DDX47: variants seen among roughly 807,000 people sequenced by gnomAD.
The protein encoded by DDX47 is DEAD-box helicase 47, also known as probable ATP-dependent RNA helicase DDX47.
Under a neutral mutation model 58.8 loss-of-function variants are expected in DDX47, and 60 were observed. The ratio of observed to expected loss-of-function variants is 1.02; its 90% confidence interval spans 0.83 to 1.26. The LOEUF is 1.26. DDX47 is among the 50% of genes most tolerant of loss of function. The pLI is 0.00. For synonymous variants in DDX47, 197 were observed against 204.6 expected (o/e 0.96, Z 0.32); for missense variants, 530 against 573.2 (o/e 0.92, Z 0.77).
chr12:12,819,494 T>C (rs1016576257), intron 2 of DDX47, among the ~76,000 whole-genome samples: 1 of 152,158 alleles, frequency 6.6e-6, no homozygotes, highest in Non-Finnish European at 1.5e-5. Flanking sequence ...GTACCAGTGG[T>C]AGGATACTCA....
intron 2 of DDX47, among the ~76,000 whole-genome samples, chr12:12,819,389 C>G (rs1365659574): frequency 1.3e-5 from 2 of 151,064 alleles, no homozygotes; most frequent in Non-Finnish European, 2.9e-5. Context: ...AGGTCCCAGC[C>G]AAGACCTACT....
chr12:12,823,016 T>G (rs1862995121), intron 6 of DDX47, among the ~76,000 whole-genome samples, 187 bp from the exon 7 acceptor site: 2 of 152,146 alleles, frequency 1.3e-5, no homozygotes, highest in East Asian at 3.8e-4. Flanking sequence ...TTGTGAGAAC[T>G]CACTATCATG....
Position 12,821,958 on chromosome 12 carries a change from T to A in DDX47, c.443-7T>A. On this transcript the variant is annotated splice_region_variant and splice_polypyrimidine_tract_variant and intron_variant, in intron 4 of 11. Transcript: ENST00000358007. ...TGTCACTGTTTCTCCTCAACCTTTCTTGGTAGCAACTCCTGGTCGACTGAT... is the reference window on the plus strand; with the variant it reads ...TGTCACTGTTTCTCCTCAACCTTTCATGGTAGCAACTCCTGGTCGACTGAT... 6.3e-7 allele frequency: 1 copy of A among 1,590,872 alleles called. No individual in the cohort carries two copies. The highest frequency in any genetic ancestry group is 8.6e-7 in the Non-Finnish European group (1 of 1,159,398).
intron 10 of DDX47, 53 bp downstream of exon 10, chr12:12,826,123 C>CA: frequency 1.4e-6 from 2 of 1,474,856 alleles, no homozygotes; most frequent in Non-Finnish European, 1.8e-6. Context: ...GCAGAACTTT[C>CA]AAGCCACTGG....
rs1418860955 is a variant in DDX47 at position 12,824,146 on chromosome 12, C to A, written c.897+130C>A. ...TCCATAATTGTTGTAATTTTATGGG[C>A]TTTGAAGTGTTGCTCTAGATACTTA... On this transcript the variant is annotated intron_variant, in intron 8 of 11. Coordinates refer to ENST00000358007, the MANE Select transcript of DDX47 (RefSeq NM_016355.4). The A allele has an allele frequency of 7.7e-6, 9 of 1,173,928 alleles. No homozygotes were observed. The Admixed American group carries it at 1.0e-4, about 13-fold the overall frequency. 72.7% of individuals were successfully genotyped at this position (1,173,928 alleles called of 1,614,324 possible). A position where few individuals can be genotyped will look rare whatever the true frequency, so the allele number is the denominator to read the frequency against.
chr12:12,829,422 G>A lies in DDX47; in HGVS notation c.1237-1G>A. The A allele has an allele frequency of 1.9e-6, 3 of 1,592,540 alleles. No individual in the cohort carries two copies. The highest frequency in any genetic ancestry group is 2.6e-6 in the Non-Finnish European group (3 of 1,172,928). Reference sequence around the variant, plus strand: ...TCCCATCCTCTCTTTTTTTCTTGCAGGAGTTAAGGGAGCATGGAGAAAAGA... The same window carrying A: ...TCCCATCCTCTCTTTTTTTCTTGCAAGAGTTAAGGGAGCATGGAGAAAAGA... On this transcript the variant is annotated splice_acceptor_variant, in intron 11 of 11. Transcript: ENST00000358007. LOFTEE classifies it high-confidence loss of function.
chr12:12,819,604 G>T (rs1483156615), intron 2 of DDX47, among the ~76,000 whole-genome samples: 1 of 151,862 alleles, frequency 6.6e-6, no homozygotes, highest in Non-Finnish European at 1.5e-5. Context: ...ATGCCCAACT[G>T]GTTTTTAGAC....
intron 2 of DDX47, chr12:12,814,435 A>T: frequency 2.1e-6 from 1 of 485,636 alleles, no homozygotes; most frequent in Non-Finnish European, 3.7e-6. Flanking sequence ...TCTGCCACAG[A>T]TGCTGACTTT....
Position 12,827,272 on chromosome 12 carries a change from T to G in DDX47, c.1133T>G (p.Ile378Arg). 1.9e-6 allele frequency: 3 copies of G among 1,614,190 alleles called. No individual in the cohort carries two copies. Among genetic ancestry groups the G allele is most frequent in the Non-Finnish European group, 2.5e-6 (3 of 1,180,042 alleles). ...TATGATGTGGAACTCTTCCAGCGCA[T>G]AGAACACTTAATTGGGAAGAAACTA... Reference protein sequence around the residue: ...TQYDVELFQRIEHLIGKKLPG... With the variant: ...TQYDVELFQRREHLIGKKLPG... Residue 378 changes from isoleucine to arginine, a missense_variant, in exon 11 of 12, where the codon ATA becomes AGA. Physicochemically the swap from Ile to Arg is moderately conservative, Grantham distance 97. Transcript: ENST00000358007.
Position 12,829,457 on chromosome 12 carries a change from C to A in DDX47, c.1271C>A (p.Ser424Ter). Reference sequence around the variant, plus strand: ...GAGCATGGAGAAAAGAAGAAACGCTCGCGAGAGGATGCTGGAGATAATGAT... The same window carrying A: ...GAGCATGGAGAAAAGAAGAAACGCTAGCGAGAGGATGCTGGAGATAATGAT... ...LREHGEKKKRSREDAGDNDDT... is the reference protein window; with the variant it reads ...LREHGEKKKR The change falls in exon 12 of 12, where the codon TCG becomes TAG. Residue 424 changes from serine (S) to a stop codon, truncating the protein, a stop_gained. Coordinates refer to ENST00000358007, the MANE Select transcript of DDX47 (RefSeq NM_016355.4). LOFTEE classifies it high-confidence loss of function. The A allele has an allele frequency of 6.2e-7, 1 of 1,613,004 alleles. No homozygotes were observed. The highest frequency in any genetic ancestry group is 8.5e-7 in the Non-Finnish European group (1 of 1,179,526).
In DDX47 at chr12:12,821,344, T is replaced by C; in HGVS notation, c.318T>C (p.Phe106=). ...LVLTPTRELA[F]QISEQFEALG... is the part of the protein sequence containing the mutation. ...TTACCCCGACTCGGGAGCTGGCCTT[T>C]CAGATCTCAGAGCAGTTTGAAGCCC... is the stretch of plus-strand genomic sequence containing the variant. The change falls in exon 3 of 12, where the codon TTT becomes TTC. Residue 106 remains phenylalanine (F), a synonymous_variant. Coordinates refer to ENST00000358007, the MANE Select transcript of DDX47 (RefSeq NM_016355.4). 3 of 1,614,200 alleles carry C rather than the reference T, an allele frequency of 1.9e-6. No homozygotes were observed. The highest frequency in any genetic ancestry group is 2.5e-6 in the Non-Finnish European group (3 of 1,180,032).
chr12:12,814,103 G>C (rs1240391985), intron 1 of DDX47, 28 bp from the exon 2 acceptor site: 1 of 1,494,280 alleles, frequency 6.7e-7, no homozygotes, highest in Non-Finnish European at 9.3e-7. Flanking sequence ...GCTGTTCTTG[G>C]CTAAGGTATA....
At chr12:12,827,877 T>TTC (rs1464901868) in intron 11 of DDX47, among the ~76,000 whole-genome samples, 2 of 126,334 alleles carry the variant, frequency 1.6e-5, no homozygotes, top group Non-Finnish European at 3.2e-5. Context: ...TTCTTTTTTC[T>TTC]TTTTTTTTTT....
rs760971551 is a variant in DDX47 at position 12,821,326 on chromosome 12, G to T, written c.300G>T (p.Pro100=). ...PQRLFALVLT[P]TRELAFQISE... Reference sequence around the variant, plus strand: ...GTTTGTTTGCCCTAGTTCTTACCCCGACTCGGGAGCTGGCCTTTCAGATCT... The same window carrying T: ...GTTTGTTTGCCCTAGTTCTTACCCCTACTCGGGAGCTGGCCTTTCAGATCT... Residue 100 remains proline, a synonymous_variant, in exon 3 of 12, where the codon CCG becomes CCT. Coordinates refer to ENST00000358007, the MANE Select transcript of DDX47 (RefSeq NM_016355.4). 1 of 1,614,156 alleles carries T rather than the reference G, an allele frequency of 6.2e-7. No homozygotes were observed. The highest frequency in any genetic ancestry group is 8.5e-7 in the Non-Finnish European group (1 of 1,180,038).
In DDX47 at chr12:12,822,091, C is replaced by G; in HGVS notation, c.561+8C>G. The G allele has an allele frequency of 6.3e-6, 10 of 1,591,488 alleles. No homozygotes were observed. The highest frequency in any genetic ancestry group is 7.8e-6 in the Non-Finnish European group (9 of 1,161,128). ...ATGGATTTTGAGACAGAGGTGAGCT[C>G]TCAATTTCTTTCCTCCTCTTAGAGC... On this transcript the variant is annotated splice_region_variant and intron_variant, in intron 5 of 11. Coordinates refer to ENST00000358007, the MANE Select transcript of DDX47 (RefSeq NM_016355.4).
Position 12,822,678 on chromosome 12 carries a change from A to G in DDX47, c.579A>G (p.Lys193=). The stretch of plus-strand genomic sequence containing the variant: ...TGCTTTAGGTTGACAAGATCCTCAA[A>G]GTGATTCCTCGAGATCGGAAAACAT... The part of the protein sequence containing the change: ...DFETEVDKIL[K]VIPRDRKTFL... Residue 193 remains lysine (K), a synonymous_variant, in exon 6 of 12, where the codon AAA becomes AAG. Transcript: ENST00000358007. 6.2e-7 allele frequency: 1 copy of G among 1,614,066 alleles called. No homozygotes were observed. Among genetic ancestry groups the G allele is most frequent in the Non-Finnish European group, 8.5e-7 (1 of 1,179,962 alleles).
chr12:12,814,286 A>C, intron 2 of DDX47, 62 bp downstream of exon 2: 1 of 1,038,394 alleles, frequency 9.6e-7, no homozygotes, highest in Non-Finnish European at 1.5e-6. Context: ...ACCCCTTTTG[A>C]AAGCTGTTGC....
intron 5 of DDX47, among the ~76,000 whole-genome samples, 164 bp downstream of exon 5, chr12:12,822,247 T>C (rs981436619): frequency 2.0e-5 from 3 of 152,248 alleles, no homozygotes; most frequent in Non-Finnish European, 4.4e-5. Context: ...CTTTAGAATA[T>C]AGTCTGACTC....
chr12:12,813,418 T>C lies in DDX47; in HGVS notation c.51T>C (p.Ile17=), dbSNP rs1862844774. The change falls in exon 1 of 12, where the codon ATT becomes ATC. Residue 17 remains isoleucine (I), a synonymous_variant. Coordinates refer to ENST00000358007, the MANE Select transcript of DDX47 (RefSeq NM_016355.4). ...HDSPTEASQP[I]VEEEETKTFK... is the part of the protein sequence containing the mutation. ...CTCCGACCGAAGCGTCCCAGCCGAT[T>C]GTGGAAGAGGAGGAAACTAAAACAT... is the stretch of plus-strand genomic sequence containing the variant. 2 of 1,613,446 alleles carry C rather than the reference T, an allele frequency of 1.2e-6. No homozygotes were observed. Among genetic ancestry groups the C allele is most frequent in the Non-Finnish European group, 1.7e-6 (2 of 1,179,672 alleles).
Sources: allele counts gnomAD v4.1 joint callset (sites outside exome capture counted in the v4.1 genomes callset), GRCh38; gene constraint gnomAD v4.1.1; transcripts MANE v1.5; gene names NCBI Gene and HGNC (gene_info 2026-07-23, HGNC 2026-07-21).